The following GSG1L variants were observed in gnomAD, a reference collection of about 807,000 sequenced individuals.
The protein encoded by GSG1L is GSG1 like.
In GSG1L, 24 loss-of-function variants were observed where a neutral mutation model predicts 42.1. That is an observed-to-expected ratio of 0.57 (90% confidence interval 0.41 to 0.80). The LOEUF (loss-of-function observed/expected upper bound fraction) is 0.80. GSG1L is among the 30% of genes least tolerant of loss of function. GSG1L has a pLI of 0.00. For missense variants in GSG1L, 445 were observed against 472.2 expected (o/e 0.94, Z 0.53); for synonymous variants, 215 against 203.5 (o/e 1.06, Z -0.48).
At chr16:27,989,075 A>G (rs1183020981) in intron 1 of GSG1L, among the ~76,000 whole-genome samples, 1 of 151,366 alleles carries the variant, frequency 6.6e-6, no homozygotes, top group Non-Finnish European at 1.5e-5. Context: ...AAAGAAAAGA[A>G]AAAAAGAAAA....
intron 2 of GSG1L, among the ~76,000 whole-genome samples, chr16:27,903,641 C>G (rs191127752): frequency 1.3e-4 from 20 of 152,188 alleles, no homozygotes; most frequent in South Asian, 4.1e-4. Flanking sequence ...CAGATGCCCC[C>G]CCTTGGGGCC....
chr16:28,038,662 C>T (rs555568366), intron 1 of GSG1L, among the ~76,000 whole-genome samples: 5 of 152,182 alleles, frequency 3.3e-5, no homozygotes, highest in African/African-American at 4.8e-5. Context: ...CATCGCCATC[C>T]GTCCTCCTGG....
At chr16:27,803,710 G>C (rs1205712102) in intron 6 of GSG1L, among the ~76,000 whole-genome samples, 1 of 150,340 alleles carries the variant, frequency 6.7e-6, no homozygotes, top group African/African-American at 2.4e-5. Flanking sequence ...TAGATTACAA[G>C]ATGGTCTCCT....
intron 2 of GSG1L, among the ~76,000 whole-genome samples, chr16:27,907,661 C>A (rs1473932967): frequency 6.6e-6 from 1 of 152,252 alleles, no homozygotes; most frequent in East Asian, 1.9e-4. Context: ...ACTGTGTGAT[C>A]TGAGCAATTA....
chr16:27,816,524 G>A (rs995898447), intron 5 of GSG1L, among the ~76,000 whole-genome samples: 9 of 152,154 alleles, frequency 5.9e-5, no homozygotes, highest in Non-Finnish European at 7.3e-5. Flanking sequence ...GCCCTATTTC[G>A]CAGATGGGAA....
chr16:28,053,360 C>A (rs1376603082), intron 1 of GSG1L, among the ~76,000 whole-genome samples: 1 of 152,090 alleles, frequency 6.6e-6, no homozygotes, highest in African/African-American at 2.4e-5. Flanking sequence ...TTATTATTAG[C>A]GTATTATTAT....
intron 1 of GSG1L, among the ~76,000 whole-genome samples, chr16:28,013,563 T>A (rs1227353698): frequency 6.6e-6 from 1 of 152,186 alleles, no homozygotes; most frequent in Non-Finnish European, 1.5e-5. Context: ...TTGGTGACTG[T>A]ACGTCCACAC....
chr16:27,918,912 T>C (rs2084491298), intron 2 of GSG1L, among the ~76,000 whole-genome samples: 1 of 152,040 alleles, frequency 6.6e-6, no homozygotes, highest in African/African-American at 2.4e-5. Flanking sequence ...GATTCATCAT[T>C]CCCGTTCCTT....
intron 1 of GSG1L, among the ~76,000 whole-genome samples, chr16:28,038,699 G>A (rs2086069959): frequency 6.6e-6 from 1 of 152,112 alleles, no homozygotes; most frequent in Admixed American, 6.5e-5. Context: ...CAGACTGCAG[G>A]GCCTTCCAAC....
In GSG1L at chr16:27,992,877, C is replaced by A. The variant is rs369065932; in HGVS notation, c.350-29674G>T. ...TCAGATATTAAGCTGAAGTTAGGAC[C>A]CACATCCTCCACCTTATAACTAGAA... On this transcript the variant is annotated intron_variant, in intron 1 of 6. Coordinates refer to ENST00000447459, the MANE Select transcript of GSG1L (RefSeq NM_001109763.2). 1.2e-3 allele frequency among the ~76,000 whole-genome samples: 186 copies of A among 152,188 alleles called. 9 individuals are homozygous for A. The South Asian group carries it at 0.037, about 30-fold the overall frequency.
intron 1 of GSG1L, among the ~76,000 whole-genome samples, chr16:27,974,389 A>T (rs144546632): frequency 2.0e-5 from 3 of 152,168 alleles, no homozygotes; most frequent in African/African-American, 7.2e-5. Context: ...GGGGAGAGGA[A>T]GGGTAGGGGA....
At chr16:27,983,871 A>C (rs1315234543) in intron 1 of GSG1L, among the ~76,000 whole-genome samples, 1 of 152,212 alleles carries the variant, frequency 6.6e-6, no homozygotes, top group Admixed American at 6.5e-5. Flanking sequence ...TTGCATGGCA[A>C]GAGTGACACC....
chr16:27,907,427 C>A (rs1311934232), intron 2 of GSG1L, among the ~76,000 whole-genome samples: 2 of 152,198 alleles, frequency 1.3e-5, no homozygotes, highest in Non-Finnish European at 2.9e-5. Flanking sequence ...AGGCTTTTGC[C>A]TTCCTTGACT....
intron 1 of GSG1L, among the ~76,000 whole-genome samples, chr16:27,977,478 G>A (rs2085263831): frequency 7.0e-6 from 1 of 142,992 alleles, no homozygotes; most frequent in Admixed American, 7.5e-5. Flanking sequence ...AAGAATCGCT[G>A]AAACCTGGGA....
intron 2 of GSG1L, among the ~76,000 whole-genome samples, chr16:27,948,091 C>A (rs995884475): frequency 6.6e-6 from 1 of 152,158 alleles, no homozygotes; most frequent in African/African-American, 2.4e-5. Context: ...CTCCTTACCC[C>A]CCTTGCTGGG....
chr16:28,014,243 G>A (rs1440640176), intron 1 of GSG1L, among the ~76,000 whole-genome samples: 1 of 152,206 alleles, frequency 6.6e-6, no homozygotes, highest in African/African-American at 2.4e-5. Flanking sequence ...AAGGAAGTAT[G>A]TATTCTGAAT....
chr16:27,966,760 A>G (rs1252997455), intron 1 of GSG1L, among the ~76,000 whole-genome samples: 3 of 152,196 alleles, frequency 2.0e-5, no homozygotes, highest in Non-Finnish European at 4.4e-5. Context: ...CTATGCTCAC[A>G]AACACATTTT....
At chr16:27,876,953 T>G (rs2083895622) in intron 3 of GSG1L, among the ~76,000 whole-genome samples, 1 of 152,254 alleles carries the variant, frequency 6.6e-6, no homozygotes, top group Admixed American at 6.5e-5. Context: ...GGTTTCTCTT[T>G]GTGCCAGTGC....
At position 28,022,029 on chromosome 16, in the gene GSG1L, C is replaced by T. The variant is rs566738419; in HGVS notation, c.349+41047G>A. ...ACAGCAACAGAATACACTGTGATTC[C>T]GTTAATGTGAATACAAAACCAAATA... On this transcript the variant is annotated intron_variant, in intron 1 of 6. Coordinates refer to ENST00000447459, the MANE Select transcript of GSG1L (RefSeq NM_001109763.2). 1.1e-4 allele frequency among the ~76,000 whole-genome samples: 17 copies of T among 152,190 alleles called. No individual in the cohort carries two copies. In the East Asian group the frequency reaches 1.9e-3, roughly 17 times the overall value.
Sources: allele counts gnomAD v4.1 joint callset (sites outside exome capture counted in the v4.1 genomes callset), GRCh38; gene constraint gnomAD v4.1.1; transcripts MANE v1.5; gene names NCBI Gene and HGNC (gene_info 2026-07-23, HGNC 2026-07-21).